CEP128: variants seen among roughly 807,000 people sequenced by gnomAD.
CEP128 encodes centrosomal protein 128.
Under a neutral mutation model 156.7 loss-of-function variants are expected in CEP128, and 132 were observed. The observed-to-expected ratio is 0.84, with a 90% confidence interval of 0.73 to 0.97. The LOEUF is 0.97. Among genes scored for constraint, CEP128 ranks in the 50% least tolerant of loss-of-function variants. The pLI, the probability that CEP128 is intolerant of heterozygous loss-of-function variation, is 0.00. For synonymous variants in CEP128, 469 were observed against 448.9 expected, an observed-to-expected ratio of 1.04 and a Z score of -0.57; for missense variants, 1,252 against 1,281.9, an observed-to-expected ratio of 0.98 and a Z score of 0.36.
chr14:80,887,939 A>C (rs1888890327), intron 8 of CEP128, among the ~76,000 whole-genome samples: 1 of 152,178 alleles, frequency 6.6e-6, no homozygotes, highest in African/African-American at 2.4e-5. Flanking sequence ...AGAAATGATA[A>C]AAGGGGTATC....
chr14:80,787,470 A>T (rs1347338824), intron 14 of CEP128, among the ~76,000 whole-genome samples: 5 of 152,152 alleles, frequency 3.3e-5, no homozygotes, highest in Non-Finnish European at 5.9e-5. Flanking sequence ...AGAAAAAAAA[A>T]AACCTTCTAT....
intron 19 of CEP128, among the ~76,000 whole-genome samples, chr14:80,658,255 T>C (rs1222173968): frequency 1.3e-5 from 2 of 152,228 alleles, no homozygotes; most frequent in South Asian, 2.1e-4. Context: ...TAGAAAATGA[T>C]AGGGAGAGGA....
chr14:80,751,182 GA>G (rs1419811135), intron 18 of CEP128, among the ~76,000 whole-genome samples: 3 of 152,134 alleles, frequency 2.0e-5, no homozygotes, highest in Non-Finnish European at 4.4e-5. Context: ...ATGGCAGCCT[GA>G]ACAGATTAAT....
chr14:80,668,882 T>C (rs1895732148), intron 19 of CEP128, among the ~76,000 whole-genome samples: 1 of 152,138 alleles, frequency 6.6e-6, no homozygotes, highest in Non-Finnish European at 1.5e-5. Flanking sequence ...AAGATGATGG[T>C]TTTATAAAAG....
rs570058809 is a variant in CEP128, at chr14:80,680,894, C to T, written c.2806+62181G>A. Among the ~76,000 whole-genome samples the T allele has an allele frequency of 2.0e-5, 3 of 152,222 alleles. No homozygotes were observed. In the East Asian group the frequency reaches 5.8e-4, roughly 29 times the overall value. On this transcript the variant is annotated intron_variant, in intron 19 of 24. Transcript: ENST00000555265. ...GGCTCTGTCAATCATGCCCAACAAC[C>T]CCCACCAGTGCTGAGCAGAGAGCTC...
At chr14:80,482,073 T>G (rs1361605215) in intron 14 of CEP128, among the ~76,000 whole-genome samples, 1 of 152,236 alleles carries the variant, frequency 6.6e-6, no homozygotes. Context: ...AAAGTGCTGC[T>G]CCTTTTTTTA....
intron 8 of CEP128, among the ~76,000 whole-genome samples, chr14:80,866,479 C>T (rs1887774474): frequency 6.6e-6 from 1 of 152,140 alleles, no homozygotes; most frequent in Non-Finnish European, 1.5e-5. Context: ...TAAACCCAGA[C>T]AACAGGCTAG....
rs150230236 is a variant in CEP128, at chr14:80,612,049, C to T, written c.2807-31626G>A. ...CTCCAGCCTGAGTGGCAGAGCGAGA[C>T]TCTGTCTCAAAAAAATAAAAAATAA... On this transcript the variant is annotated intron_variant, in intron 19 of 24. Coordinates refer to ENST00000555265, the MANE Select transcript of CEP128 (RefSeq NM_152446.5). Among the ~76,000 whole-genome samples, 869 of 151,904 alleles carry T rather than the reference C, an allele frequency of 5.7e-3. 6 individuals are homozygous for T. The highest frequency in any genetic ancestry group is 0.02 in the African/African-American group (829 of 41,300).
chr14:80,517,849 C>T (rs936113257), intron 23 of CEP128, among the ~76,000 whole-genome samples: 3 of 152,048 alleles, frequency 2.0e-5, no homozygotes, highest in African/African-American at 7.2e-5. Flanking sequence ...GGCACTGAGC[C>T]GTGCAGGAAC....
chr14:80,589,642 C>G (rs1457376813), intron 19 of CEP128, among the ~76,000 whole-genome samples: 3 of 152,048 alleles, frequency 2.0e-5, no homozygotes, highest in Non-Finnish European at 4.4e-5. Context: ...TAAAATTATC[C>G]CCACTTCGCA....
chr14:80,498,865 A>G (rs1044108828), intron 24 of CEP128, among the ~76,000 whole-genome samples: 1 of 152,252 alleles, frequency 6.6e-6, no homozygotes, highest in African/African-American at 2.4e-5. Context: ...GAACAACTGA[A>G]TATAGGTGAG....
chr14:80,481,637 C>T (rs1440948690), intron 14 of CEP128, among the ~76,000 whole-genome samples: 1 of 152,228 alleles, frequency 6.6e-6, no homozygotes, highest in Non-Finnish European at 1.5e-5. Context: ...CCCAGTTATT[C>T]AACTTCCTCA....
At chr14:80,846,871 C>T (rs1340283164) in intron 9 of CEP128, among the ~76,000 whole-genome samples, 1 of 152,286 alleles carries the variant, frequency 6.6e-6, no homozygotes, top group Non-Finnish European at 1.5e-5. Flanking sequence ...ATGTAGAATA[C>T]ATTTCTAAAC....
intron 21 of CEP128, among the ~76,000 whole-genome samples, chr14:80,554,741 C>T (rs914146023): frequency 6.6e-6 from 1 of 151,882 alleles, no homozygotes; most frequent in African/African-American, 2.4e-5. Flanking sequence ...TATTATGATT[C>T]GTTGGTCAAA....
intron 19 of CEP128, among the ~76,000 whole-genome samples, chr14:80,617,146 A>C (rs1373113032): frequency 6.7e-6 from 1 of 149,884 alleles, no homozygotes; most frequent in Non-Finnish European, 1.5e-5. Flanking sequence ...ATGATTTGGC[A>C]ATTTGCAGAC....
intron 19 of CEP128, among the ~76,000 whole-genome samples, chr14:80,610,905 G>GT (rs760768831): frequency 4.1e-4 from 63 of 152,176 alleles, no homozygotes; most frequent in Non-Finnish European, 7.9e-4. Context: ...CCAAGAAATG[G>GT]TAAGTAAAAA....
chr14:80,955,336 G>C, intron 2 of CEP128: 1 of 465,084 alleles, frequency 2.2e-6, no homozygotes, highest in Non-Finnish European at 4.0e-6. Flanking sequence ...GAACTAATGG[G>C]AGGGGCGCCC....
At chr14:80,662,798 G>A (rs1895454732) in intron 19 of CEP128, among the ~76,000 whole-genome samples, 1 of 152,104 alleles carries the variant, frequency 6.6e-6, no homozygotes, top group African/African-American at 2.4e-5. Flanking sequence ...ATTAATATTA[G>A]TACCAGCACT....
At chr14:80,810,399 C>T (rs568648192) in intron 13 of CEP128, among the ~76,000 whole-genome samples, 1 of 141,738 alleles carries the variant, frequency 7.1e-6, no homozygotes, top group African/African-American at 2.6e-5. Context: ...AGAAAAAAAA[C>T]TCACATATCA....
Sources: gnomAD v4.1 joint callset for allele counts (sites outside exome capture counted in the v4.1 genomes callset) on GRCh38, gnomAD v4.1.1 for gene constraint, MANE v1.5 for transcripts, NCBI Gene and HGNC (gene_info 2026-07-23, HGNC 2026-07-21) for gene names.